Variants in RNF121 observed in about 807,000 individuals in gnomAD.
RNF121 encodes the protein E3 ubiquitin ligase RNF121.
RNF121 carries 21 observed loss-of-function variants against 46.5 expected under a neutral mutation model. The ratio of observed to expected loss-of-function variants is 0.45; its 90% CI spans 0.32 to 0.65. The LOEUF (loss-of-function observed/expected upper bound fraction) is 0.65, where lower values mean the gene tolerates loss of function less well. Ranked by LOEUF, RNF121 falls within the 30% of genes least tolerant of loss-of-function variation. RNF121 has a pLI of 0.04. For missense variants in RNF121, 346 were observed against 416.0 expected (o/e 0.83, Z 1.46); for synonymous variants, 139 against 144.7 (o/e 0.96, Z 0.28).
chr11:71,989,931 A>G (rs1954834874), intron 5 of RNF121, among the ~76,000 whole-genome samples: 1 of 152,218 alleles, frequency 6.6e-6, no homozygotes, highest in African/African-American at 2.4e-5. Flanking sequence ...TTATGGGACA[A>G]TAGGCCAAAT....
chr11:71,942,150 G>C (rs1953586428), intron 1 of RNF121, among the ~76,000 whole-genome samples: 1 of 151,788 alleles, frequency 6.6e-6, no homozygotes, highest in Admixed American at 6.6e-5. Flanking sequence ...AGCCAGGATG[G>C]TCTCAATCTC....
At chr11:71,964,043 C>T (rs1954209009) in intron 3 of RNF121, among the ~76,000 whole-genome samples, 1 of 152,196 alleles carries the variant, frequency 6.6e-6, no homozygotes, top group African/African-American at 2.4e-5. Context: ...TTCCATTTTA[C>T]AAACAAAATC....
chr11:71,934,941 C>CTT (rs34428026), intron 1 of RNF121, among the ~76,000 whole-genome samples: 5 of 135,364 alleles, frequency 3.7e-5, no homozygotes, highest in African/African-American at 8.2e-5. Context: ...CAAATGCATT[C>CTT]TTTTTTTTTT....
At chr11:71,981,630 A>G (rs528368721) in intron 3 of RNF121, among the ~76,000 whole-genome samples, 8 of 152,152 alleles carry the variant, frequency 5.3e-5, no homozygotes, top group Non-Finnish European at 1.0e-4. Flanking sequence ...TTAGAGTTAG[A>G]ATTGTTTTAT....
chr11:71,975,427 C>G lies in RNF121; in HGVS notation c.244-7334C>G, dbSNP rs2134196287. Among the ~76,000 whole-genome samples the G allele has an allele frequency of 2.0e-5, 3 of 152,288 alleles. 1 individual carries two copies. The Middle Eastern group carries it at 0.01, about 518-fold the overall frequency. On this transcript the variant is annotated intron_variant, in intron 3 of 8. Coordinates refer to ENST00000361756, the MANE Select transcript of RNF121 (RefSeq NM_018320.5). The stretch of plus-strand genomic sequence containing the variant: ...CATCCTGGAACACCCATCATGATGC[C>G]TTTTTCTATCTGGACCTATTGGCCA...
chr11:71,994,049 T>G (rs910132472), intron 6 of RNF121, among the ~76,000 whole-genome samples: 1 of 152,172 alleles, frequency 6.6e-6, no homozygotes, highest in East Asian at 1.9e-4. Context: ...ACTGTGTTAG[T>G]TAGGATGCTC....
At chr11:71,975,220 G>T (rs1339675441) in intron 3 of RNF121, among the ~76,000 whole-genome samples, 1 of 152,188 alleles carries the variant, frequency 6.6e-6, no homozygotes, top group Admixed American at 6.5e-5. Context: ...TCTGACTAAG[G>T]TGGTAAGGGG....
Position 71,996,523 on chromosome 11 carries a change from A to G in RNF121, c.*208A>G. 1 of 534,214 alleles carries G rather than the reference A, an allele frequency of 1.9e-6. No homozygotes were observed. Among genetic ancestry groups the G allele is most frequent in the East Asian group, 3.1e-5 (1 of 31,832 alleles). 33.1% of individuals were successfully genotyped at this position (534,214 alleles called of 1,614,324 possible). On this transcript the variant is annotated 3_prime_UTR_variant, in exon 9 of 9. Coordinates refer to ENST00000361756, the MANE Select transcript of RNF121 (RefSeq NM_018320.5). ...GCAGTGGGGGGCTTTTTAAAAGAAA[A>G]CTATTTTGATGAATATATTTAAAAA...
chr11:71,988,630 T>C (rs1954810947), intron 5 of RNF121, among the ~76,000 whole-genome samples: 1 of 124,896 alleles, frequency 8.0e-6, no homozygotes, highest in Non-Finnish European at 1.7e-5. Flanking sequence ...ATAGTGAGAC[T>C]CTCAACTCTT....
At chr11:71,988,265 T>A (rs990492003) in intron 5 of RNF121, among the ~76,000 whole-genome samples, 2 of 152,096 alleles carry the variant, frequency 1.3e-5, no homozygotes, top group African/African-American at 4.8e-5. Flanking sequence ...AATCCTGAGC[T>A]CAGAGACTGG....
At chr11:71,940,560 G>A (rs1331536014) in intron 1 of RNF121, among the ~76,000 whole-genome samples, 1 of 152,136 alleles carries the variant, frequency 6.6e-6, no homozygotes, top group Non-Finnish European at 1.5e-5. Flanking sequence ...GGTAGGTTGG[G>A]GCCAACATGA....
intron 6 of RNF121, among the ~76,000 whole-genome samples, chr11:71,992,256 T>A (rs1021872439): frequency 2.6e-5 from 4 of 152,342 alleles, no homozygotes; most frequent in African/African-American, 9.6e-5. Context: ...TGTGAACTCT[T>A]ATTCCTTGAT....
At position 71,956,915 on chromosome 11, in the gene RNF121, A is replaced by T. The variant is rs150993626; in HGVS notation, c.64-312A>T. On this transcript the variant is annotated intron_variant, in intron 1 of 8. Coordinates refer to ENST00000361756, the MANE Select transcript of RNF121 (RefSeq NM_018320.5). ...ATAGCTAGTCTTTATTATATAATAGATAAATTTTCTGTTTACGTCTGTCTT... is the reference window on the plus strand; with the variant it reads ...ATAGCTAGTCTTTATTATATAATAGTTAAATTTTCTGTTTACGTCTGTCTT... Among the ~76,000 whole-genome samples, 1,340 of 152,374 alleles carry T rather than the reference A, an allele frequency of 8.8e-3. 6 individuals carry two copies. Among genetic ancestry groups the T allele is most frequent in the Middle Eastern group, 0.017 (5 of 294 alleles).
At chr11:71,988,958 C>CA (rs1237750448) in intron 5 of RNF121, among the ~76,000 whole-genome samples, 1 of 152,188 alleles carries the variant, frequency 6.6e-6, no homozygotes, top group Admixed American at 6.5e-5. Flanking sequence ...ACTGTAGAGT[C>CA]AAACACATCT....
intron 3 of RNF121, 31 bp from the exon 4 acceptor site, chr11:71,982,730 C>A: frequency 6.3e-7 from 1 of 1,582,224 alleles, no homozygotes; most frequent in Non-Finnish European, 8.6e-7. Flanking sequence ...GGGAGCTGGC[C>A]AGAGCTGAAG....
intron 3 of RNF121, among the ~76,000 whole-genome samples, chr11:71,980,699 G>T (rs1381339586): frequency 6.6e-6 from 1 of 152,128 alleles, no homozygotes; most frequent in Non-Finnish European, 1.5e-5. Context: ...GGTAGCTACA[G>T]ACAACTAAAC....
At chr11:71,954,302 T>C (rs1466930652) in intron 1 of RNF121, among the ~76,000 whole-genome samples, 1 of 152,194 alleles carries the variant, frequency 6.6e-6, no homozygotes, top group Non-Finnish European at 1.5e-5. Context: ...AATAACCTTT[T>C]TGGTCAGGAG....
chr11:71,956,756 T>A (rs1183661763), intron 1 of RNF121, among the ~76,000 whole-genome samples: 1 of 152,242 alleles, frequency 6.6e-6, no homozygotes, highest in East Asian at 1.9e-4. Context: ...CTGTCCATTT[T>A]AGTCCCTTTG....
intron 3 of RNF121, among the ~76,000 whole-genome samples, chr11:71,963,194 TAAAC>T (rs1227400380): frequency 2.0e-5 from 3 of 152,216 alleles, no homozygotes; most frequent in Non-Finnish European, 2.9e-5. Context: ...CTTTGATGCA[TAAAC>T]AGTTTTTAAT....
Sources: allele counts gnomAD v4.1 joint callset (sites outside exome capture counted in the v4.1 genomes callset), GRCh38; gene constraint gnomAD v4.1.1; transcripts MANE v1.5; gene names NCBI Gene and HGNC (gene_info 2026-07-23, HGNC 2026-07-21).